The following SRFBP1 variants were observed in gnomAD, a reference collection of about 807,000 sequenced individuals.
SRFBP1 encodes serum response factor binding protein 1, also known as serum response factor-binding protein 1.
Under a neutral mutation model 45.5 loss-of-function variants are expected in SRFBP1, and 47 were observed. That is an observed-to-expected ratio of 1.03 (90% CI 0.82 to 1.32). The LOEUF (loss-of-function observed/expected upper bound fraction) is 1.32, where lower values mean the gene tolerates loss of function less well. Among genes scored for constraint, SRFBP1 ranks in the 40% most tolerant of loss-of-function variants. The probability of loss-of-function intolerance (pLI) is 0.00; values close to 1 mark genes in which losing one functional copy is unlikely to be tolerated. For missense variants in SRFBP1, 621 were observed against 484.6 expected (o/e 1.28, Z -2.64); for synonymous variants, 203 against 166.3 (o/e 1.22, Z -1.70).
chr5:121,964,965 A>G (rs961923700), intron 1 of SRFBP1, among the ~76,000 whole-genome samples: 8 of 152,076 alleles, frequency 5.3e-5, no homozygotes, highest in African/African-American at 1.7e-4. Context: ...ATTTTTTCAT[A>G]TATTTGTTGG....
chr5:121,973,610 GT>G, intron 1 of SRFBP1, among the ~76,000 whole-genome samples: 1 of 143,566 alleles, frequency 7.0e-6, no homozygotes, highest in African/African-American at 2.5e-5. Context: ...GTGTGCATGT[GT>G]GTGTGGGGGG....
chr5:122,029,915 C>T (rs1314728002), downstream of SRFBP1, among the ~76,000 whole-genome samples: 1 of 152,084 alleles, frequency 6.6e-6, no homozygotes, highest in Non-Finnish European at 1.5e-5. Context: ...TCTCCTATGT[C>T]CTTTTAACAT....
chr5:121,980,928 G>C (rs1752394940), intron 3 of SRFBP1, among the ~76,000 whole-genome samples: 1 of 152,060 alleles, frequency 6.6e-6, no homozygotes, highest in Non-Finnish European at 1.5e-5. Flanking sequence ...CATTCTTTCA[G>C]GGGTAGCTCT....
intron 2 of SRFBP1, chr5:122,066,688 TC>T (rs1754308363): frequency 6.1e-6 from 9 of 1,485,618 alleles, no homozygotes; most frequent in Non-Finnish European, 8.4e-6. Context: ...GTCTATTTTT[TC>T]CCACTTCAGA....
chr5:121,995,465 A>G (rs1469831668), intron 4 of SRFBP1, among the ~76,000 whole-genome samples: 1 of 152,122 alleles, frequency 6.6e-6, no homozygotes, highest in Non-Finnish European at 1.5e-5. Context: ...TTTGAAACCA[A>G]CGAGAACAAA....
intron 2 of SRFBP1, among the ~76,000 whole-genome samples, chr5:122,060,875 C>G (rs1754158816): frequency 6.6e-6 from 1 of 152,118 alleles, no homozygotes; most frequent in Non-Finnish European, 1.5e-5. Flanking sequence ...TTTGACCAGG[C>G]AAGCTTAAGA....
chr5:122,020,079 C>T lies in SRFBP1; in HGVS notation c.353-9C>T, dbSNP rs1753271112. 6.6e-7 allele frequency: 1 copy of T among 1,524,640 alleles called. No individual in the cohort carries two copies. The highest frequency in any genetic ancestry group is 8.8e-7 in the Non-Finnish European group (1 of 1,136,602). 94.4% of individuals were successfully genotyped at this position (1,524,640 alleles called of 1,614,324 possible). ...TGCTAAAATGAGTGATGCACTGTTT[C>T]TCTTGCAGCTGCTGTACAAGCCTTT... On this transcript the variant is annotated splice_polypyrimidine_tract_variant and intron_variant, in intron 5 of 7. Transcript: ENST00000339397.
At chr5:122,019,594 A>G (rs1753260499) in intron 5 of SRFBP1, among the ~76,000 whole-genome samples, 1 of 151,040 alleles carries the variant, frequency 6.6e-6, no homozygotes, top group Non-Finnish European at 1.5e-5. Context: ...AATATATACA[A>G]GATAAAGTTG....
At chr5:122,047,830 A>G (rs1380897328) in intron 2 of SRFBP1, among the ~76,000 whole-genome samples, 1 of 152,212 alleles carries the variant, frequency 6.6e-6, no homozygotes, top group Non-Finnish European at 1.5e-5. Context: ...GAGTTCACTC[A>G]TGATTTGGCT....
chr5:122,078,052 A>T (rs1754695771), downstream of SRFBP1: 1 of 1,375,760 alleles, frequency 7.3e-7, no homozygotes. Flanking sequence ...AACGGGGCTC[A>T]AATCACGTGA....
intron 2 of SRFBP1, among the ~76,000 whole-genome samples, chr5:122,036,260 A>G (rs1262201986): frequency 2.6e-5 from 4 of 152,110 alleles, no homozygotes; most frequent in Non-Finnish European, 5.9e-5. Context: ...GTGAGTACTC[A>G]TCTGTGCTCT....
chr5:122,070,040 AAAT>A, intron 2 of SRFBP1: 1 of 1,571,352 alleles, frequency 6.4e-7, no homozygotes, highest in South Asian at 1.1e-5. Flanking sequence ...TTAGCTAAGC[AAAT>A]AACACTTACG....
chr5:122,027,239 C>T lies in SRFBP1; in HGVS notation c.*113C>T, dbSNP rs1753502081. 1.2e-6 allele frequency: 1 copy of T among 823,746 alleles called. No individual in the cohort carries two copies. The highest frequency in any genetic ancestry group is 1.8e-6 in the Non-Finnish European group (1 of 542,814). The allele number at this position is 823,746 out of a possible 1,614,324, so 51.0% of individuals were successfully genotyped here. A position where few individuals can be genotyped will look rare whatever the true frequency, so the allele number is the denominator to read the frequency against. ...ACAATATTGCAATCACAGCTCACTG[C>T]AGCCTCAAACTCCTGGGCTCAAGTG... On this transcript the variant is annotated 3_prime_UTR_variant, in exon 8 of 8. Transcript: ENST00000339397.
At chr5:122,004,677 T>A (rs915016607) in intron 4 of SRFBP1, among the ~76,000 whole-genome samples, 5 of 152,200 alleles carry the variant, frequency 3.3e-5, no homozygotes, top group Non-Finnish European at 4.4e-5. Flanking sequence ...CTCTAATCTT[T>A]ATTTTCTTCT....
chr5:122,078,093 A>G (rs2152591858), downstream of SRFBP1: 1 of 1,077,958 alleles, frequency 9.3e-7, no homozygotes, highest in African/African-American at 1.7e-5. Context: ...CAAGGAGGCG[A>G]GCGGAGCACG....
downstream of SRFBP1, among the ~76,000 whole-genome samples, chr5:122,030,278 CTT>C: frequency 6.6e-6 from 1 of 152,336 alleles, no homozygotes; most frequent in East Asian, 1.9e-4. Flanking sequence ...ATATCTGAAT[CTT>C]GAATCTAAAT....
chr5:122,025,268 A>G (rs535061673), intron 7 of SRFBP1, among the ~76,000 whole-genome samples: 115 of 152,258 alleles, frequency 7.6e-4, no homozygotes, highest in Admixed American at 3.7e-3. Flanking sequence ...AGTTTCATCC[A>G]TGTCCCTACA....
intron 2 of SRFBP1, among the ~76,000 whole-genome samples, chr5:122,042,286 T>G (rs943808653): frequency 3.3e-5 from 5 of 152,190 alleles, no homozygotes; most frequent in African/African-American, 7.2e-5. Flanking sequence ...TTTTATTTTT[T>G]GAGACAGGGT....
chr5:121,964,927 A>C (rs1367334208), intron 1 of SRFBP1, among the ~76,000 whole-genome samples: 2 of 152,178 alleles, frequency 1.3e-5, no homozygotes, highest in African/African-American at 4.8e-5. Context: ...TTGGATTTGC[A>C]TATCTCTAAT....
Sources: gnomAD v4.1 joint callset for allele counts (sites outside exome capture counted in the v4.1 genomes callset) on GRCh38, gnomAD v4.1.1 for gene constraint, MANE v1.5 for transcripts, NCBI Gene and HGNC (gene_info 2026-07-23, HGNC 2026-07-21) for gene names.